ATXN1: variants seen among roughly 807,000 people sequenced by gnomAD.
The protein encoded by ATXN1 is ataxin 1.
A neutral mutation model predicts 56.4 loss-of-function variants in ATXN1; 8 were observed. The ratio of observed to expected loss-of-function variants is 0.14; its 90% confidence interval spans 0.08 to 0.26. The LOEUF is 0.26. ATXN1 is among the 10% of genes least tolerant of loss of function. The probability of loss-of-function intolerance (pLI) is 1.00; values close to 1 mark genes in which losing one functional copy is unlikely to be tolerated. For synonymous variants in ATXN1, 514 were observed against 494.6 expected (o/e 1.04, Z -0.52); for missense variants, 987 against 1,106.5 (o/e 0.89, Z 1.53).
At chr6:16,462,617 T>C (rs182746741) in intron 6 of ATXN1, among the ~76,000 whole-genome samples, 3 of 152,318 alleles carry the variant, frequency 2.0e-5, no homozygotes, top group East Asian at 1.9e-4. Context: ...CAACCTTTTT[T>C]ACATGCAATC....
chr6:16,566,105 T>C (rs996104489), intron 4 of ATXN1, among the ~76,000 whole-genome samples: 1 of 152,172 alleles, frequency 6.6e-6, no homozygotes, highest in Non-Finnish European at 1.5e-5. Context: ...ATAAAAGATT[T>C]ACGTTGAATA....
intron 2 of ATXN1, among the ~76,000 whole-genome samples, chr6:16,661,328 T>C (rs1372649046): frequency 6.6e-6 from 1 of 151,894 alleles, no homozygotes; most frequent in Admixed American, 6.6e-5. Flanking sequence ...TATAGAAAAA[T>C]AATTTTATAA....
At chr6:16,486,910 A>AC (rs1760558464) in intron 5 of ATXN1, among the ~76,000 whole-genome samples, 1 of 152,036 alleles carries the variant, frequency 6.6e-6, no homozygotes. Flanking sequence ...CAACACTTAC[A>AC]CCCACCAGAG....
intron 3 of ATXN1, among the ~76,000 whole-genome samples, chr6:16,642,906 C>T (rs774229831): frequency 1.3e-5 from 2 of 152,048 alleles, no homozygotes; most frequent in African/African-American, 4.8e-5. Flanking sequence ...CACTGGAAAA[C>T]CAAAAAATTT....
intron 2 of ATXN1, among the ~76,000 whole-genome samples, chr6:16,728,284 G>A (rs2113480592): frequency 6.6e-6 from 1 of 152,338 alleles, no homozygotes; most frequent in Non-Finnish European, 1.5e-5. Flanking sequence ...GCAGTGGGGA[G>A]GGAAGTTGGT....
chr6:16,347,110 T>C (rs1761426326), intron 6 of ATXN1, among the ~76,000 whole-genome samples: 1 of 152,242 alleles, frequency 6.6e-6, no homozygotes, highest in Non-Finnish European at 1.5e-5. Context: ...CCGCCATGCC[T>C]GAACCTCCCC....
intron 6 of ATXN1, among the ~76,000 whole-genome samples, chr6:16,425,481 C>T (rs1352022064): frequency 6.6e-6 from 1 of 152,238 alleles, no homozygotes; most frequent in East Asian, 1.9e-4. Flanking sequence ...ATTATTCACA[C>T]ACCTTGGAGC....
chr6:16,730,483 G>GTATATACATATA (rs1283942311), intron 2 of ATXN1, among the ~76,000 whole-genome samples: 1 of 74,534 alleles, frequency 1.3e-5, no homozygotes, highest in East Asian at 3.8e-4. Flanking sequence ...GGGTAAAACA[G>GTATATACATATA]TATGTATATA....
At chr6:16,339,032 G>C (rs1390388813) in intron 6 of ATXN1, among the ~76,000 whole-genome samples, 27 of 152,182 alleles carry the variant, frequency 1.8e-4, no homozygotes, top group Admixed American at 1.6e-3. Flanking sequence ...CACTCTGCCT[G>C]CTTTTCCACA....
intron 3 of ATXN1, among the ~76,000 whole-genome samples, chr6:16,648,097 A>G (rs1449006445): frequency 6.6e-6 from 1 of 152,156 alleles, no homozygotes; most frequent in African/African-American, 2.4e-5. Flanking sequence ...AAAATAAAAT[A>G]AAACTTTGGG....
Position 16,327,468 on chromosome 6 carries a change from G to A in ATXN1, c.843C>T (p.Leu281=), listed in dbSNP as rs777340775. ...CGACCTGGGAGGGGGGCCCCAGGGT[G>A]AGCGTGTGTGGGATCATCGTCTGGT... The part of the protein sequence containing the change: ...HPHQTMIPHT[L]TLGPPSQVVM... The change falls in exon 7 of 8, where the codon CTC becomes CTT. Residue 281 remains leucine, a synonymous_variant. Transcript: ENST00000436367. The A allele has an allele frequency of 8.7e-6, 14 of 1,613,378 alleles. No homozygotes were observed. Among genetic ancestry groups the A allele is most frequent in the Admixed American group, 5.0e-5 (3 of 59,996 alleles).
chr6:16,331,732 T>C (rs897149646), intron 6 of ATXN1, among the ~76,000 whole-genome samples: 2 of 152,154 alleles, frequency 1.3e-5, no homozygotes, highest in African/African-American at 4.8e-5. Flanking sequence ...TCAGGAAGGG[T>C]CTATTAGCAA....
intron 2 of ATXN1, among the ~76,000 whole-genome samples, chr6:16,735,335 G>C (rs573450126): frequency 1.3e-5 from 2 of 152,262 alleles, no homozygotes; most frequent in Admixed American, 6.5e-5. Flanking sequence ...TGCATTGTGG[G>C]CTTTTCTGAG....
intron 6 of ATXN1, among the ~76,000 whole-genome samples, chr6:16,402,502 C>T (rs1758598803): frequency 1.3e-5 from 2 of 152,052 alleles, no homozygotes; most frequent in Non-Finnish European, 2.9e-5. Flanking sequence ...ACGAACACAA[C>T]CCACAAGCCA....
In ATXN1 at chr6:16,326,190, G is replaced by A. The variant is rs952071375; in HGVS notation, c.1917+204C>T. On this transcript the variant is annotated intron_variant, in intron 7 of 7. Transcript: ENST00000436367. The surrounding 1 kb of genome is among the most constrained non-coding windows in gnomAD (Gnocchi z 6.6). The stretch of plus-strand genomic sequence containing the variant: ...ACTAGCCCCACTCTCCATGCATGGA[G>A]GTTAATTCATTACACACAGCAGAGA... 6.6e-6 allele frequency among the ~76,000 whole-genome samples: 1 copy of A among 152,174 alleles called. No homozygotes were observed. Among genetic ancestry groups the A allele is most frequent in the Non-Finnish European group, 1.5e-5 (1 of 68,022 alleles).
At chr6:16,364,755 C>T (rs1217055868) in intron 6 of ATXN1, among the ~76,000 whole-genome samples, 1 of 152,180 alleles carries the variant, frequency 6.6e-6, no homozygotes, top group Non-Finnish European at 1.5e-5. Context: ...ATGTCACAGT[C>T]TCCTTAAACC....
chr6:16,452,343 A>G (rs1422400635), intron 6 of ATXN1, among the ~76,000 whole-genome samples: 1 of 152,256 alleles, frequency 6.6e-6, no homozygotes, highest in Non-Finnish European at 1.5e-5. Flanking sequence ...TTCAGAATTC[A>G]TAACTAGTAA....
chr6:16,708,660 A>G (rs1759458383), intron 2 of ATXN1, among the ~76,000 whole-genome samples: 1 of 152,224 alleles, frequency 6.6e-6, no homozygotes, highest in Admixed American at 6.5e-5. Context: ...TATTAGGAAG[A>G]TACATCAATC....
chr6:16,318,110 G>A (rs935437408), intron 7 of ATXN1, among the ~76,000 whole-genome samples: 1 of 152,112 alleles, frequency 6.6e-6, no homozygotes. Context: ...TTAGATTGGT[G>A]CTATGTCTAT....
Sources: gnomAD v4.1 joint callset for allele counts (sites outside exome capture counted in the v4.1 genomes callset) on GRCh38, gnomAD v4.1.1 for gene constraint, Gnocchi (gnomAD v3.1) non-coding constraint, MANE v1.5 for transcripts, NCBI Gene and HGNC (gene_info 2026-07-23, HGNC 2026-07-21) for gene names.